Variants in CTIF observed in about 807,000 individuals in gnomAD.
CTIF encodes cap binding complex dependent translation initiation factor, also known as CBP80/20-dependent translation initiation factor.
A neutral mutation model predicts 66.0 loss-of-function variants in CTIF; 21 were observed. The observed-to-expected ratio is 0.32, with a 90% CI of 0.23 to 0.46. CTIF has a LOEUF of 0.46. Among genes scored for constraint, CTIF ranks in the 20% least tolerant of loss-of-function variants. CTIF has a pLI of 1.00. For missense variants in CTIF, 739 were observed against 812.7 expected (o/e 0.91, Z 1.10); for synonymous variants, 345 against 326.4 (o/e 1.06, Z -0.62).
chr18:48,555,961 G>A, intron 1 of CTIF, among the ~76,000 whole-genome samples: 1 of 152,214 alleles, frequency 6.6e-6, no homozygotes, highest in Non-Finnish European at 1.5e-5. Flanking sequence ...TGGGAAATGT[G>A]TATCAAAAGT....
chr18:48,715,429 T>A (rs1389452466), intron 7 of CTIF, among the ~76,000 whole-genome samples: 2 of 152,208 alleles, frequency 1.3e-5, no homozygotes, highest in Non-Finnish European at 2.9e-5. Context: ...CACGCGTTCC[T>A]CAAAGAGCAG....
At chr18:48,578,271 A>G (rs1415780108) in intron 1 of CTIF, among the ~76,000 whole-genome samples, 1 of 152,138 alleles carries the variant, frequency 6.6e-6, no homozygotes, top group Non-Finnish European at 1.5e-5. Context: ...TATTATGAAT[A>G]ATGCTGCTCT....
At chr18:48,757,548 G>A (rs756596912) in intron 7 of CTIF, among the ~76,000 whole-genome samples, 1 of 152,186 alleles carries the variant, frequency 6.6e-6, no homozygotes, top group African/African-American at 2.4e-5. Context: ...CACGTGGAAC[G>A]GCTGCTTCCA....
intron 1 of CTIF, among the ~76,000 whole-genome samples, chr18:48,587,692 A>C (rs1291837508): frequency 1.3e-5 from 2 of 152,338 alleles, no homozygotes; most frequent in African/African-American, 4.8e-5. Flanking sequence ...GGTCATTCTC[A>C]GCTCTAAATA....
chr18:48,572,385 T>A (rs936515266), intron 1 of CTIF, among the ~76,000 whole-genome samples: 4 of 152,148 alleles, frequency 2.6e-5, no homozygotes, highest in Non-Finnish European at 5.9e-5. Flanking sequence ...CCAAGAAGGA[T>A]GAGGGTAAAA....
At position 48,555,959 on chromosome 18, in the gene CTIF, G is replaced by A. The variant is rs114054440; in HGVS notation, c.-29+16647G>A. On this transcript the variant is annotated intron_variant, in intron 1 of 11. Transcript: ENST00000256413. ...CTGAGCATGCTGGCTGATGGGAAAT[G>A]TGTATCAAAAGTTTCCTTTTGCCAG... Among the ~76,000 whole-genome samples, 293 of 152,330 alleles carry A rather than the reference G, an allele frequency of 1.9e-3. 1 individual carries two copies. The highest frequency in any genetic ancestry group is 6.7e-3 in the African/African-American group (280 of 41,574).
chr18:48,589,461 T>C (rs2143942990), intron 1 of CTIF, among the ~76,000 whole-genome samples: 1 of 152,338 alleles, frequency 6.6e-6, no homozygotes, highest in Middle Eastern at 3.4e-3. Flanking sequence ...AGGGTTCCAG[T>C]ATGACCCCAT....
chr18:48,654,251 A>C (rs2091207026), intron 3 of CTIF, among the ~76,000 whole-genome samples: 1 of 152,240 alleles, frequency 6.6e-6, no homozygotes, highest in African/African-American at 2.4e-5. Context: ...AATATTCAGA[A>C]TCTACAAAGA....
At chr18:48,754,492 G>A (rs557487802) in intron 7 of CTIF, among the ~76,000 whole-genome samples, 5 of 152,328 alleles carry the variant, frequency 3.3e-5, no homozygotes, top group African/African-American at 1.2e-4. Context: ...GAAGGAAAAG[G>A]GAGGACAGAG....
intron 2 of CTIF, among the ~76,000 whole-genome samples, chr18:48,631,863 T>C (rs1261335589): frequency 6.6e-6 from 1 of 152,190 alleles, no homozygotes; most frequent in Non-Finnish European, 1.5e-5. Context: ...GCTGTAAGCC[T>C]GTTTGCCTTG....
In CTIF at chr18:48,847,642, T is replaced by C. The variant is rs1420245795; in HGVS notation, c.1528-9946T>C. On this transcript the variant is annotated intron_variant, in intron 10 of 11. Transcript: ENST00000256413. ...AAAGATAGAAACATCATAACAATAATAACACCTTACGTTTGAATCAAGCTT... is the reference window on the plus strand; with the variant it reads ...AAAGATAGAAACATCATAACAATAACAACACCTTACGTTTGAATCAAGCTT... Among the ~76,000 whole-genome samples the C allele has an allele frequency of 7.9e-5, 12 of 152,240 alleles. 1 individual carries two copies. The highest frequency in any genetic ancestry group is 7.9e-4 in the Admixed American group (12 of 15,286).
At chr18:48,611,789 T>C (rs1310900995) in intron 1 of CTIF, among the ~76,000 whole-genome samples, 1 of 152,218 alleles carries the variant, frequency 6.6e-6, no homozygotes, top group African/African-American at 2.4e-5. Context: ...GTGTGCTACA[T>C]GCTGATATTT....
intron 9 of CTIF, among the ~76,000 whole-genome samples, chr18:48,809,406 C>T (rs1240343260): frequency 6.6e-6 from 1 of 152,054 alleles, no homozygotes; most frequent in Non-Finnish European, 1.5e-5. Flanking sequence ...TATAGATTTC[C>T]TGATACTAAG....
intron 2 of CTIF, among the ~76,000 whole-genome samples, chr18:48,623,447 C>T (rs1462039895): frequency 2.0e-5 from 3 of 152,058 alleles, no homozygotes; most frequent in Admixed American, 1.3e-4. Flanking sequence ...TCAGGAAGGC[C>T]AGGGTTAGCT....
intron 1 of CTIF, among the ~76,000 whole-genome samples, chr18:48,543,383 C>A (rs2088670849): frequency 6.6e-6 from 1 of 152,308 alleles, no homozygotes; most frequent in East Asian, 1.9e-4. Flanking sequence ...GGGCGTCTAC[C>A]TCTGGGCCTC....
intron 6 of CTIF, among the ~76,000 whole-genome samples, chr18:48,685,778 G>A (rs943741725): frequency 3.9e-5 from 6 of 151,968 alleles, no homozygotes; most frequent in East Asian, 1.9e-4. Flanking sequence ...CTGGGTTCAA[G>A]TGATTCTCCT....
At chr18:48,837,789 C>T (rs2068845634) in intron 10 of CTIF, among the ~76,000 whole-genome samples, 1 of 152,126 alleles carries the variant, frequency 6.6e-6, no homozygotes, top group Non-Finnish European at 1.5e-5. Context: ...GGGCTGGGAA[C>T]TACCCACTGG....
chr18:48,749,604 T>C (rs528719767), intron 7 of CTIF, among the ~76,000 whole-genome samples: 1 of 152,274 alleles, frequency 6.6e-6, no homozygotes, highest in African/African-American at 2.4e-5. Context: ...ATAATAATAT[T>C]ACAAACAAAC....
chr18:48,541,030 G>T (rs1311093124), intron 1 of CTIF, among the ~76,000 whole-genome samples: 1 of 152,158 alleles, frequency 6.6e-6, no homozygotes, highest in Non-Finnish European at 1.5e-5. Flanking sequence ...TCCACCCGGC[G>T]GCGCGGGGGG....
Sources: allele counts gnomAD v4.1 joint callset (sites outside exome capture counted in the v4.1 genomes callset), GRCh38; gene constraint gnomAD v4.1.1; transcripts MANE v1.5; gene names NCBI Gene and HGNC (gene_info 2026-07-23, HGNC 2026-07-21).